Variants in MS4A6E observed in about 807,000 individuals in gnomAD.
MS4A6E encodes membrane spanning 4-domains A6E, also known as membrane-spanning 4-domains subfamily A member 6E.
MS4A6E carries 8 observed loss-of-function variants against 13.2 expected under a neutral mutation model. The observed-to-expected ratio is 0.60, with a 90% CI of 0.35 to 1.09. The LOEUF is 1.09. Among genes scored for constraint, MS4A6E ranks in the 50% least tolerant of loss-of-function variants. MS4A6E has a pLI of 0.02. For synonymous variants in MS4A6E, 72 were observed against 67.6 expected (o/e 1.06, Z -0.32); for missense variants, 177 against 171.1 (o/e 1.03, Z -0.19).
At chr11:60,339,620 C>G (rs780306435) in intron 3 of MS4A6E, among the ~76,000 whole-genome samples, 2 of 152,166 alleles carry the variant, frequency 1.3e-5, no homozygotes, top group Non-Finnish European at 2.9e-5. Context: ...AAGTGAGAAA[C>G]AAGTGTATGA....
At position 60,339,806 on chromosome 11, in the gene MS4A6E, C is replaced by G; in HGVS notation, c.355-60C>G. ...CTTCATCTCTATGGTCACCTCTAAACTAGGCATGAAAGCTTCGGCTGACCC... is the reference window on the plus strand; with the variant it reads ...CTTCATCTCTATGGTCACCTCTAAAGTAGGCATGAAAGCTTCGGCTGACCC... On this transcript the variant is annotated intron_variant, in intron 3 of 4. Transcript: ENST00000684409. 6 of 1,450,920 alleles carry G rather than the reference C, an allele frequency of 4.1e-6. No individual in the cohort carries two copies. The South Asian group carries it at 6.8e-5, about 17-fold the overall frequency. 89.9% of individuals were successfully genotyped at this position (1,450,920 alleles called of 1,614,324 possible). A position where few individuals can be genotyped will look rare whatever the true frequency, so the allele number is the denominator to read the frequency against.
intron 1 of MS4A6E, among the ~76,000 whole-genome samples, chr11:60,334,100 A>G (rs982218505): frequency 6.6e-6 from 1 of 152,200 alleles, no homozygotes; most frequent in Non-Finnish European, 1.5e-5. Context: ...GGGTTGCCCA[A>G]GGCACTGGTT....
chr11:60,335,127 A>C, intron 2 of MS4A6E, 85 bp downstream of exon 2: 1 of 1,553,392 alleles, frequency 6.4e-7, no homozygotes, highest in Non-Finnish European at 8.7e-7. Flanking sequence ...CATCCTTGTG[A>C]GTGTGGAGAC....
intron 4 of MS4A6E, among the ~76,000 whole-genome samples, chr11:60,347,778 G>T (rs943840348): frequency 6.6e-6 from 1 of 151,990 alleles, no homozygotes; most frequent in Non-Finnish European, 1.5e-5. Context: ...CTAAGGAATG[G>T]GCTTAGTCAT....
At chr11:60,335,410 G>A (rs2085182277) in intron 2 of MS4A6E, 1 of 372,132 alleles carries the variant, frequency 2.7e-6, no homozygotes, top group South Asian at 2.1e-5. Context: ...TCTTTGCAAG[G>A]AATTTTTCCC....
intron 2 of MS4A6E, 111 bp downstream of exon 2, chr11:60,335,153 G>C (rs2085180845): frequency 1.4e-6 from 2 of 1,456,244 alleles, no homozygotes; most frequent in South Asian, 1.4e-5. Flanking sequence ...AGTTTTGCTG[G>C]AGGGACTTTG....
At chr11:60,342,171 GTGTGTGTGAGAGAGAGAGAGAGAGA>G (rs1488357069), downstream of MS4A6E, among the ~76,000 whole-genome samples, 15 of 33,224 alleles carry the variant, frequency 4.5e-4, no homozygotes, top group African/African-American at 1.6e-3. Flanking sequence ...GTGTGTGTGT[GTGTGTGTGAGAGAGAGAGAGAGAGA>G]GAGAGGGGGG....
At position 60,328,526 on chromosome 11, in the gene MS4A6E, T is replaced by TACACAC. The variant is rs35996897; in HGVS notation, c.-15+1145_-15+1150dup. Among the ~76,000 whole-genome samples the TACACAC allele has an allele frequency of 8.8e-4, 128 of 145,832 alleles. 1 individual carries two copies. The highest frequency in any genetic ancestry group is 6.5e-3 in the Admixed American group (95 of 14,568). On this transcript the variant is annotated intron_variant, in intron 1 of 4. Coordinates refer to ENST00000684409, the MANE Select transcript of MS4A6E (RefSeq NM_139249.4). ...ACAGATGAATGGATAAACTGTGAGA[T>TACACAC]ACACACACACACACACACACACACA... is the stretch of plus-strand genomic sequence containing the variant.
intron 4 of MS4A6E, among the ~76,000 whole-genome samples, chr11:60,348,933 A>T (rs1373063): frequency 3.9e-5 from 6 of 152,172 alleles, no homozygotes; most frequent in Non-Finnish European, 5.9e-5. Context: ...ATTGAGGTCC[A>T]CTTCTATACT....
chr11:60,349,064 C>G (rs2085268100), intron 4 of MS4A6E, among the ~76,000 whole-genome samples: 1 of 152,142 alleles, frequency 6.6e-6, no homozygotes, highest in African/African-American at 2.4e-5. Flanking sequence ...TAGGATAGCA[C>G]AAAAAGCACT....
chr11:60,342,722 G>A (rs2085236070), downstream of MS4A6E, among the ~76,000 whole-genome samples: 1 of 152,172 alleles, frequency 6.6e-6, no homozygotes, highest in Admixed American at 6.5e-5. Context: ...AATATATCTA[G>A]CTTCCAGGTA....
intron 1 of MS4A6E, among the ~76,000 whole-genome samples, chr11:60,332,606 T>TGACAA (rs2085163971): frequency 6.6e-6 from 1 of 152,036 alleles, no homozygotes; most frequent in Non-Finnish European, 1.5e-5. Context: ...CAGTTTGACA[T>TGACAA]GGCATGGTTT....
intron 2 of MS4A6E, among the ~76,000 whole-genome samples, chr11:60,336,453 G>T (rs2085189179): frequency 6.6e-6 from 1 of 152,146 alleles, no homozygotes; most frequent in African/African-American, 2.4e-5. Flanking sequence ...CAGTGAACAT[G>T]CAGGAAGCTC....
At chr11:60,332,282 A>C (rs2085161478) in intron 1 of MS4A6E, among the ~76,000 whole-genome samples, 1 of 152,210 alleles carries the variant, frequency 6.6e-6, no homozygotes, top group South Asian at 2.1e-4. Flanking sequence ...GTTACAACTG[A>C]AAGACGGAAA....
chr11:60,348,666 T>A (rs781415991), intron 4 of MS4A6E, among the ~76,000 whole-genome samples: 4 of 152,242 alleles, frequency 2.6e-5, no homozygotes, highest in Non-Finnish European at 4.4e-5. Context: ...TGGCGAGAAA[T>A]CCTCATTTGC....
At position 60,340,994 on chromosome 11, in the gene MS4A6E, T is replaced by C. The variant is rs1262714394; in HGVS notation, c.*228T>C. The stretch of plus-strand genomic sequence containing the variant: ...TTTCGCTGTCATTTATGATATGTGT[T>C]CATTGGGGATCTCTTGGTTTGCCTG... On this transcript the variant is annotated 3_prime_UTR_variant, in exon 5 of 5. Transcript: ENST00000684409. The C allele has an allele frequency of 6.6e-6, 1 of 152,280 alleles. No homozygotes were observed. Among genetic ancestry groups the C allele is most frequent in the African/African-American group, 2.4e-5 (1 of 41,464 alleles). 9.4% of individuals were successfully genotyped at this position (152,280 alleles called of 1,614,324 possible).
intron 3 of MS4A6E, among the ~76,000 whole-genome samples, chr11:60,339,013 AAG>A (rs1174345037): frequency 6.6e-6 from 1 of 152,236 alleles, no homozygotes; most frequent in Non-Finnish European, 1.5e-5. Context: ...TATTGGAAAT[AAG>A]AGAGATTCTG....
intron 1 of MS4A6E, 30 bp from the exon 2 acceptor site, chr11:60,334,852 T>C: frequency 6.2e-7 from 1 of 1,608,228 alleles, no homozygotes; most frequent in Non-Finnish European, 8.5e-7. Flanking sequence ...TCTGTACTTT[T>C]AAGAGCTAAA....
chr11:60,344,288 C>T (rs558121844), downstream of MS4A6E, among the ~76,000 whole-genome samples: 2 of 152,146 alleles, frequency 1.3e-5, no homozygotes, highest in Admixed American at 6.5e-5. Flanking sequence ...AACCAGTTGG[C>T]GAAAGTATCT....
Sources: gnomAD v4.1 joint callset for allele counts (sites outside exome capture counted in the v4.1 genomes callset) on GRCh38, gnomAD v4.1.1 for gene constraint, MANE v1.5 for transcripts, NCBI Gene and HGNC (gene_info 2026-07-23, HGNC 2026-07-21) for gene names.